TNNC1: variants seen among roughly 807,000 people sequenced by gnomAD.
The protein encoded by TNNC1 is troponin C, slow skeletal and cardiac muscles.
A neutral mutation model predicts 19.6 loss-of-function variants in TNNC1; 10 were observed. The observed-to-expected ratio is 0.51, with a 90% confidence interval of 0.31 to 0.87. The LOEUF is 0.87. Ranked by LOEUF, TNNC1 falls within the 40% of genes least tolerant of loss-of-function variation. TNNC1 has a pLI of 0.04. For synonymous variants in TNNC1, 85 were observed against 80.1 expected, an observed-to-expected ratio of 1.06 and a Z score of -0.33; for missense variants, 115 against 219.8, an observed-to-expected ratio of 0.52 and a Z score of 3.02.
Position 52,451,529 on chromosome 3 carries a change from T to C in TNNC1, c.318-2A>G. 1 of 1,614,008 alleles carries C rather than the reference T, an allele frequency of 6.2e-7. No individual in the cohort carries two copies. Among genetic ancestry groups the C allele is most frequent in the Non-Finnish European group, 8.5e-7 (1 of 1,179,988 alleles). On this transcript the variant is annotated splice_acceptor_variant, in intron 4 of 5. Transcript: ENST00000232975. LOFTEE classifies it high-confidence loss of function. This position sits in a 1 kb window ranked among gnomAD's most constrained non-coding sequence, Gnocchi z 4.8. ...AGGTCGATGTAGCCATCAGCATTTC[T>C]GTGGGGAGGGGGCTCAGGGTAGGGC...
Position 52,451,675 on chromosome 3 carries a change from G to A in TNNC1, c.317+69C>T, listed in dbSNP as rs926669407. 1 of 1,581,750 alleles carries A rather than the reference G, an allele frequency of 6.3e-7. No homozygotes were observed. The highest frequency in any genetic ancestry group is 1.3e-5 in the African/African-American group (1 of 74,362). On this transcript the variant is annotated intron_variant, in intron 4 of 5. Coordinates refer to ENST00000232975, the MANE Select transcript of TNNC1 (RefSeq NM_003280.3). This position sits in a 1 kb window ranked among gnomAD's most constrained non-coding sequence, Gnocchi z 4.8. ...CACAGGGTCCCTAGGCCTGGAATCTGAGACTGCCCTCCTGTACAGCTCGGC... is the reference window on the plus strand; with the variant it reads ...CACAGGGTCCCTAGGCCTGGAATCTAAGACTGCCCTCCTGTACAGCTCGGC...
rs919813474 is a variant in TNNC1, at chr3:52,454,022, G to T, written c.-7C>A. 1.3e-5 allele frequency: 20 copies of T among 1,577,234 alleles called. No individual in the cohort carries two copies. Among genetic ancestry groups the T allele is most frequent in the Non-Finnish European group, 1.6e-5 (19 of 1,160,008 alleles). Reference sequence around the variant, plus strand: ...CCTTGTAGATGTCATCCATGCTGGCGGCTCACAGGACAGCTTGCTGGGGTT... The same window carrying T: ...CCTTGTAGATGTCATCCATGCTGGCTGCTCACAGGACAGCTTGCTGGGGTT... On this transcript the variant is annotated 5_prime_UTR_variant, in exon 1 of 6. Coordinates refer to ENST00000232975, the MANE Select transcript of TNNC1 (RefSeq NM_003280.3).
In TNNC1 at chr3:52,451,219, A is replaced by T; in HGVS notation, c.*56T>A. The T allele has an allele frequency of 6.2e-7, 1 of 1,610,914 alleles. No homozygotes were observed. The highest frequency in any genetic ancestry group is 8.5e-7 in the Non-Finnish European group (1 of 1,177,362). On this transcript the variant is annotated 3_prime_UTR_variant, in exon 6 of 6. Coordinates refer to ENST00000232975, the MANE Select transcript of TNNC1 (RefSeq NM_003280.3). The surrounding 1 kb of genome is among the most constrained non-coding windows in gnomAD (Gnocchi z 4.8). Reference sequence around the variant, plus strand: ...GGACCCCGACCCCCTCCCCAACCCCAGGACTCAGCTGGAGTTGGAGGCTGG... The same window carrying T: ...GGACCCCGACCCCCTCCCCAACCCCTGGACTCAGCTGGAGTTGGAGGCTGG...
At position 52,452,269 on chromosome 3, in the gene TNNC1, G is replaced by A. The variant is rs1274784180; in HGVS notation, c.56-17C>T. On this transcript the variant is annotated splice_polypyrimidine_tract_variant and intron_variant, in intron 2 of 5. Transcript: ENST00000232975. This position sits in a 1 kb window ranked among gnomAD's most constrained non-coding sequence, Gnocchi z 5.2. Reference sequence around the variant, plus strand: ...CCTTGAACTCTGTGTTCAGGGGTTGGGGGGCACAGTAGTCAGGGCTCAGCA... The same window carrying A: ...CCTTGAACTCTGTGTTCAGGGGTTGAGGGGCACAGTAGTCAGGGCTCAGCA... 6.2e-7 allele frequency: 1 copy of A among 1,607,470 alleles called. No homozygotes were observed.
rs903948206 is a variant in TNNC1 at position 52,451,206 on chromosome 3, C to T, written c.*69G>A. 14 of 1,599,396 alleles carry T rather than the reference C, an allele frequency of 8.8e-6. No homozygotes were observed. In the African/African-American group the frequency reaches 1.6e-4, roughly 18 times the overall value. On this transcript the variant is annotated 3_prime_UTR_variant, in exon 6 of 6. Transcript: ENST00000232975. The surrounding 1 kb of genome is among the most constrained non-coding windows in gnomAD (Gnocchi z 4.8). ...GGCTCAGGTCCTGGGACCCCGACCC[C>T]CTCCCCAACCCCAGGACTCAGCTGG...
Position 52,451,469 on chromosome 3 carries a change from C to T in TNNC1, c.376G>A (p.Glu126Lys), listed in dbSNP as rs730881060. 1 of 1,614,020 alleles carries T rather than the reference C, an allele frequency of 6.2e-7. No individual in the cohort carries two copies. Among genetic ancestry groups the T allele is most frequent in the African/African-American group, 1.3e-5 (1 of 74,912 alleles). The change falls in exon 5 of 6, where the codon GAG becomes AAG. Residue 126 changes from glutamate (E) to lysine (K), a missense_variant. Glu to Lys is a moderately conservative substitution (Grantham distance 56, BLOSUM62 1). Around this residue, in one of 2 missense-constraint regions of TNNC1, gnomAD observed 96 missense variants for 114.2 expected, o/e 0.84. Transcript: ENST00000232975. The surrounding 1 kb of genome is among the most constrained non-coding windows in gnomAD (Gnocchi z 4.8). ...ELKIMLQATG[E>K]TITEDDIEEL... ...TCGATGTCGTCCTCCGTGATGGTCT[C>T]GCCTGTAGCCTGCAGCATTATCTTC... is the stretch of plus-strand genomic sequence containing the variant.
chr3:52,451,620 G>A lies in TNNC1; in HGVS notation c.318-93C>T. 3 of 1,589,458 alleles carry A rather than the reference G, an allele frequency of 1.9e-6. No homozygotes were observed. Among genetic ancestry groups the A allele is most frequent in the South Asian group, 2.2e-5 (2 of 90,456 alleles). On this transcript the variant is annotated intron_variant, in intron 4 of 5. Transcript: ENST00000232975. The surrounding 1 kb of genome is among the most constrained non-coding windows in gnomAD (Gnocchi z 4.8). Reference sequence around the variant, plus strand: ...GGCAGAGCAGGGACACTGGGAGATGGGGCATCCCTCTCCCCTATCAGGCAG... The same window carrying A: ...GGCAGAGCAGGGACACTGGGAGATGAGGCATCCCTCTCCCCTATCAGGCAG...
chr3:52,452,144 T>G lies in TNNC1; in HGVS notation c.164A>C (p.Glu55Ala). The change falls in exon 3 of 6, where the codon GAG becomes GCG. Residue 55 changes from glutamate (E) to alanine (A), a missense_variant. Glu to Ala is a moderately radical substitution (Grantham distance 107). Coordinates refer to ENST00000232975, the MANE Select transcript of TNNC1 (RefSeq NM_003280.3). The surrounding 1 kb of genome is among the most constrained non-coding windows in gnomAD (Gnocchi z 5.2). ...CTCATCGATCATCTCCTGCAGCTCC[T>G]CAGGGGTGGGGTTCTGGCCCAGCAT... The part of the protein sequence containing the change: ...MRMLGQNPTP[E>A]ELQEMIDEVD... 6.2e-7 allele frequency: 1 copy of G among 1,613,978 alleles called. No individual in the cohort carries two copies.
In TNNC1 at chr3:52,451,701, T is replaced by C; in HGVS notation, c.317+43A>G. The C allele has an allele frequency of 6.2e-7, 1 of 1,601,856 alleles. No individual in the cohort carries two copies. The highest frequency in any genetic ancestry group is 2.2e-5 in the East Asian group (1 of 44,812). ...AGACTGCCCTCCTGTACAGCTCGGC[T>C]TGAGTGTGGGTCAGGGTCAGAGGTC... On this transcript the variant is annotated intron_variant, in intron 4 of 5. Transcript: ENST00000232975. This position sits in a 1 kb window ranked among gnomAD's most constrained non-coding sequence, Gnocchi z 4.8.
rs1166950207 is a variant in TNNC1 at position 52,452,806 on chromosome 3, CT to C, written c.25-294del. ...AATGCCCTTTCGGCCCCTGATGAAACTCAAGCTGGGTGGCCCGAAGGACAGC... is the reference window on the plus strand; with the variant it reads ...AATGCCCTTTCGGCCCCTGATGAAACCAAGCTGGGTGGCCCGAAGGACAGC... On this transcript the variant is annotated intron_variant, in intron 1 of 5. Transcript: ENST00000232975. The surrounding 1 kb of genome is among the most constrained non-coding windows in gnomAD (Gnocchi z 5.2). 5.8e-6 allele frequency: 3 copies of C among 521,596 alleles called. No homozygotes were observed. The highest frequency in any genetic ancestry group is 1.0e-5 in the Non-Finnish European group (3 of 288,108). The allele number at this position is 521,596 out of a possible 1,614,324, so 32.3% of individuals were successfully genotyped here.
Position 52,452,641 on chromosome 3 carries a change from T to A in TNNC1, c.25-128A>T. On this transcript the variant is annotated intron_variant, in intron 1 of 5. Coordinates refer to ENST00000232975, the MANE Select transcript of TNNC1 (RefSeq NM_003280.3). The surrounding 1 kb of genome is among the most constrained non-coding windows in gnomAD (Gnocchi z 5.2). The stretch of plus-strand genomic sequence containing the variant: ...CTATTTCCAGGCCACAGAGTGGAGG[T>A]CTCAGTCCTCCCTCCCTGCCCCCAA... 8 of 1,005,026 alleles carry A rather than the reference T, an allele frequency of 8.0e-6. No individual in the cohort carries two copies. The highest frequency in any genetic ancestry group is 3.1e-6 in the Non-Finnish European group (2 of 652,800). The allele number at this position is 1,005,026 out of a possible 1,614,324, so 62.3% of individuals were successfully genotyped here. A position where few individuals can be genotyped will look rare whatever the true frequency, so the allele number is the denominator to read the frequency against.
In TNNC1 at chr3:52,452,980, G is replaced by A; in HGVS notation, c.25-467C>T. ...GGGGACTTTGGCATGCAGGGGGTGG[G>A]GCAGCGTTATCTGGCCCCCTGGCCT... is the stretch of plus-strand genomic sequence containing the variant. On this transcript the variant is annotated intron_variant, in intron 1 of 5. Coordinates refer to ENST00000232975, the MANE Select transcript of TNNC1 (RefSeq NM_003280.3). The surrounding 1 kb of genome is among the most constrained non-coding windows in gnomAD (Gnocchi z 5.2). The A allele has an allele frequency of 4.0e-6, 1 of 250,046 alleles. No homozygotes were observed. The allele number at this position is 250,046 out of a possible 1,614,324, so 15.5% of individuals were successfully genotyped here.
At position 52,452,002 on chromosome 3, in the gene TNNC1, A is replaced by G; in HGVS notation, c.202+104T>C. ...CTTATGCCCATTTTATAGATGAGGC[A>G]ACCAAGGCTCGGATAGGCTAAATTG... On this transcript the variant is annotated intron_variant, in intron 3 of 5. Coordinates refer to ENST00000232975, the MANE Select transcript of TNNC1 (RefSeq NM_003280.3). This position sits in a 1 kb window ranked among gnomAD's most constrained non-coding sequence, Gnocchi z 5.2. 6.3e-7 allele frequency: 1 copy of G among 1,591,284 alleles called. No homozygotes were observed.
Position 52,451,836 on chromosome 3 carries a change from A to G in TNNC1, c.225T>C (p.Asp75=), listed in dbSNP as rs776989897. ...DEDGSGTVDF[D]EFLVMMVRCM... ...ACCGAACCATCATGACCAGGAACTC[A>G]TCAAAGTCCACCGTGCCGCTGCCTG... Residue 75 remains aspartate (D), a synonymous_variant, in exon 4 of 6, where the codon GAT becomes GAC. Coordinates refer to ENST00000232975, the MANE Select transcript of TNNC1 (RefSeq NM_003280.3). The surrounding 1 kb of genome is among the most constrained non-coding windows in gnomAD (Gnocchi z 4.8). 4 of 1,612,644 alleles carry G rather than the reference A, an allele frequency of 2.5e-6. No individual in the cohort carries two copies. The highest frequency in any genetic ancestry group is 3.4e-6 in the Non-Finnish European group (4 of 1,178,830).
chr3:52,453,464 C>T (rs1706358420), intron 1 of TNNC1, among the ~76,000 whole-genome samples: 1 of 152,222 alleles, frequency 6.6e-6, no homozygotes, highest in Non-Finnish European at 1.5e-5. Context: ...AACTTCAAAG[C>T]CCCATCTCCA....
rs730881061 is a variant in TNNC1, at chr3:52,451,415, T to C, written c.430A>G (p.Asn144Asp). The change falls in exon 5 of 6, where the codon AAC becomes GAC. Residue 144 changes from asparagine (N) to aspartate (D), a missense_variant. By Grantham distance (23) the Asn-to-Asp change is conservative. Transcript: ENST00000232975. This position sits in a 1 kb window ranked among gnomAD's most constrained non-coding sequence, Gnocchi z 4.8. ...EELMKDGDKN[N>D]DGRIDYDEFL... ...CCATCATAGTCGATGCGGCCGTCGT[T>C]GTTCTTGTCTCCGTCCTTCATGAGC... 1.9e-5 allele frequency: 31 copies of C among 1,614,018 alleles called. No homozygotes were observed. The highest frequency in any genetic ancestry group is 4.0e-5 in the African/African-American group (3 of 74,902).
chr3:52,453,342 C>T (rs575019110), intron 1 of TNNC1, among the ~76,000 whole-genome samples: 1 of 152,318 alleles, frequency 6.6e-6, no homozygotes, highest in South Asian at 2.1e-4. Flanking sequence ...TCGCTCTCAC[C>T]CCTAGCTAAG....
Position 52,451,610 on chromosome 3 carries a change from C to A in TNNC1, c.318-83G>T, listed in dbSNP as rs1578263932. 2.5e-6 allele frequency: 4 copies of A among 1,598,122 alleles called. No homozygotes were observed. In the South Asian group the frequency reaches 4.4e-5, roughly 18 times the overall value. On this transcript the variant is annotated intron_variant, in intron 4 of 5. Transcript: ENST00000232975. This position sits in a 1 kb window ranked among gnomAD's most constrained non-coding sequence, Gnocchi z 4.8. ...TGCCCCAGGAGGCAGAGCAGGGACACTGGGAGATGGGGCATCCCTCTCCCC... is the reference window on the plus strand; with the variant it reads ...TGCCCCAGGAGGCAGAGCAGGGACAATGGGAGATGGGGCATCCCTCTCCCC...
In TNNC1 at chr3:52,451,342, G is replaced by A. The variant is rs1353104994; in HGVS notation, c.455-36C>T. The A allele has an allele frequency of 7.4e-6, 12 of 1,613,942 alleles. No individual in the cohort carries two copies. Among genetic ancestry groups the A allele is most frequent in the Admixed American group, 1.7e-5 (1 of 59,998 alleles). On this transcript the variant is annotated intron_variant, in intron 5 of 5. Transcript: ENST00000232975. This position sits in a 1 kb window ranked among gnomAD's most constrained non-coding sequence, Gnocchi z 4.8. ...AGGGGCAGGTGTGGGTTGAGGGTAG[G>A]GGCTGGGCAGGGCATGGAGGCAGGA...
Sources: allele counts gnomAD v4.1 joint callset (sites outside exome capture counted in the v4.1 genomes callset), GRCh38; gene constraint gnomAD v4.1.1; regional missense constraint gnomAD v4.1.1; non-coding constraint Gnocchi (gnomAD v3.1); transcripts MANE v1.5; gene names NCBI Gene and HGNC (gene_info 2026-07-23, HGNC 2026-07-21).